MACROD2: variants seen among roughly 807,000 people sequenced by gnomAD.
MACROD2 encodes the protein mono-ADP ribosylhydrolase 2.
Under a neutral mutation model 70.4 loss-of-function variants are expected in MACROD2, and 36 were observed. The ratio of observed to expected loss-of-function variants is 0.51; its 90% CI spans 0.39 to 0.68. MACROD2 has a LOEUF of 0.68. Ranked by LOEUF, MACROD2 falls within the 30% of genes least tolerant of loss-of-function variation. The pLI is 0.00. For synonymous variants in MACROD2, 172 were observed against 178.8 expected (o/e 0.96, Z 0.30); for missense variants, 496 against 538.4 (o/e 0.92, Z 0.78).
At chr20:15,369,805 C>T (rs987385145) in intron 6 of MACROD2, among the ~76,000 whole-genome samples, 29 of 152,128 alleles carry the variant, frequency 1.9e-4, no homozygotes, top group African/African-American at 7.0e-4. Context: ...GTTCTTTTTC[C>T]TCAAACAAAC....
At chr20:14,798,104 A>T (rs2072532111) in intron 5 of MACROD2, among the ~76,000 whole-genome samples, 1 of 152,080 alleles carries the variant, frequency 6.6e-6, no homozygotes, top group African/African-American at 2.4e-5. Flanking sequence ...CTCTATGGAC[A>T]AGTAATTATT....
intron 6 of MACROD2, among the ~76,000 whole-genome samples, chr20:15,417,459 A>G (rs1199468753): frequency 1.3e-5 from 2 of 151,714 alleles, no homozygotes; most frequent in African/African-American, 4.8e-5. Flanking sequence ...TTAGATGGGT[A>G]TGCTGGTGCG....
chr20:15,269,804 C>T (rs962547249), intron 6 of MACROD2, among the ~76,000 whole-genome samples: 14 of 152,124 alleles, frequency 9.2e-5, no homozygotes, highest in African/African-American at 3.4e-4. Flanking sequence ...CTTAGTGTCC[C>T]TGAAACTCTT....
chr20:15,519,085 T>A (rs1171830966), intron 8 of MACROD2, among the ~76,000 whole-genome samples: 1 of 146,028 alleles, frequency 6.8e-6, no homozygotes, highest in African/African-American at 2.5e-5. Context: ...CTTCCTTCCT[T>A]CCTTCCTTCC....
intron 7 of MACROD2, among the ~76,000 whole-genome samples, chr20:15,460,346 C>T (rs1291273260): frequency 6.6e-6 from 1 of 152,128 alleles, no homozygotes; most frequent in African/African-American, 2.4e-5. Flanking sequence ...TTCCAGATTC[C>T]ACCCTCCAAC....
intron 4 of MACROD2, among the ~76,000 whole-genome samples, chr20:14,653,476 C>T (rs984741985): frequency 6.6e-6 from 1 of 151,984 alleles, no homozygotes; most frequent in African/African-American, 2.4e-5. Flanking sequence ...CCTCGGCCTC[C>T]CAAAGTGCTG....
chr20:15,421,312 G>A (rs1049004929), intron 6 of MACROD2, among the ~76,000 whole-genome samples: 4 of 152,070 alleles, frequency 2.6e-5, no homozygotes, highest in Non-Finnish European at 5.9e-5. Context: ...CAGGGAGGCT[G>A]AGGCTGCAGT....
At chr20:15,736,796 G>C (rs780998602) in intron 8 of MACROD2, among the ~76,000 whole-genome samples, 1 of 152,162 alleles carries the variant, frequency 6.6e-6, no homozygotes, top group African/African-American at 2.4e-5. Context: ...GGCTCCACAA[G>C]ACCTACTGTG....
At chr20:14,796,307 C>T (rs532916552) in intron 5 of MACROD2, among the ~76,000 whole-genome samples, 11 of 152,096 alleles carry the variant, frequency 7.2e-5, no homozygotes, top group Admixed American at 2.0e-4. Context: ...GTAGGGCATT[C>T]GCTGAAAATG....
At chr20:15,888,314 G>C (rs1312925976) in intron 10 of MACROD2, among the ~76,000 whole-genome samples, 1 of 152,100 alleles carries the variant, frequency 6.6e-6, no homozygotes, top group African/African-American at 2.4e-5. Flanking sequence ...TTGTCACTCT[G>C]TCTTGAATTA....
chr20:14,878,531 C>G (rs566982524), intron 5 of MACROD2, among the ~76,000 whole-genome samples: 2 of 152,092 alleles, frequency 1.3e-5, no homozygotes, highest in Non-Finnish European at 2.9e-5. Flanking sequence ...AGAAACATTA[C>G]AAAATAGAGA....
chr20:14,551,087 G>A (rs1978623130), intron 4 of MACROD2, among the ~76,000 whole-genome samples: 1 of 151,974 alleles, frequency 6.6e-6, no homozygotes, highest in African/African-American at 2.4e-5. Context: ...GTTTGGATGA[G>A]TAACTTCTGT....
intron 5 of MACROD2, among the ~76,000 whole-genome samples, chr20:14,868,113 T>A (rs1192523091): frequency 1.3e-5 from 2 of 152,022 alleles, no homozygotes; most frequent in Admixed American, 6.6e-5. Flanking sequence ...ACTGACCTTA[T>A]ACTTTATTAG....
chr20:14,769,551 C>T lies in MACROD2; in HGVS notation c.418+84592C>T, dbSNP rs182962143. 6.6e-3 allele frequency among the ~76,000 whole-genome samples: 1,004 copies of T among 152,204 alleles called. 9 individuals carry two copies. Among genetic ancestry groups the T allele is most frequent in the Non-Finnish European group, 9.5e-3 (645 of 68,020 alleles). On this transcript the variant is annotated intron_variant, in intron 5 of 17. Coordinates refer to ENST00000684519, the MANE Select transcript of MACROD2 (RefSeq NM_001351661.2). Reference sequence around the variant, plus strand: ...GGAAAGGCTTTCAGTTTTAACTCATCATATTGTACCGCACCTATCAAGTCC... The same window carrying T: ...GGAAAGGCTTTCAGTTTTAACTCATTATATTGTACCGCACCTATCAAGTCC...
chr20:14,579,573 A>G (rs1441146084), intron 4 of MACROD2, among the ~76,000 whole-genome samples: 1 of 152,200 alleles, frequency 6.6e-6, no homozygotes, highest in Non-Finnish European at 1.5e-5. Flanking sequence ...TGAGTAATAC[A>G]TTTTTTGTTG....
chr20:14,633,938 T>A (rs2123477835), intron 4 of MACROD2, among the ~76,000 whole-genome samples: 1 of 152,326 alleles, frequency 6.6e-6, no homozygotes, highest in Admixed American at 6.5e-5. Flanking sequence ...TTTTCCTGCA[T>A]AGACATATTG....
chr20:14,654,995 A>G (rs149358591), intron 4 of MACROD2, among the ~76,000 whole-genome samples: 4 of 152,308 alleles, frequency 2.6e-5, no homozygotes, highest in African/African-American at 4.8e-5. Context: ...AGCAATTACT[A>G]GGATGGATTG....
intron 6 of MACROD2, among the ~76,000 whole-genome samples, chr20:15,401,667 A>T (rs944748899): frequency 6.6e-6 from 1 of 152,226 alleles, no homozygotes; most frequent in Admixed American, 6.5e-5. Flanking sequence ...CAATTGTAAA[A>T]TACTTAGAAT....
At chr20:15,939,441 A>G (rs2065717493) in intron 12 of MACROD2, among the ~76,000 whole-genome samples, 1 of 152,144 alleles carries the variant, frequency 6.6e-6, no homozygotes, top group South Asian at 2.1e-4. Flanking sequence ...ATGGCACAAC[A>G]AAGTCTGTAT....
Sources: allele counts gnomAD v4.1 joint callset (sites outside exome capture counted in the v4.1 genomes callset), GRCh38; gene constraint gnomAD v4.1.1; transcripts MANE v1.5; gene names NCBI Gene and HGNC (gene_info 2026-07-23, HGNC 2026-07-21).